The following MC1R variants were observed in gnomAD, a reference collection of about 807,000 sequenced individuals.
The protein encoded by MC1R is melanocortin 1 receptor.
For missense variants in MC1R, 542 were observed against 430.0 expected (o/e 1.26, Z -2.30); for synonymous variants, 263 against 203.8 (o/e 1.29, Z -2.47).
In MC1R at chr16:89,919,562, G is replaced by T; in HGVS notation, c.304G>T (p.Glu102Ter). The change falls in exon 1 of 1, where the codon GAG becomes TAG. Residue 102 changes from glutamate to a stop codon, truncating the protein, a stop_gained. Transcript: ENST00000555147. LOFTEE classifies it low-confidence loss of function (END_TRUNC). ...VLETAVILLLEAGALVARAAV... is the reference protein window; with the variant it reads ...VLETAVILLL Reference sequence around the variant, plus strand: ...GGAGACGGCCGTCATCCTCCTGCTGGAGGCCGGTGCACTGGTGGCCCGGGC... The same window carrying T: ...GGAGACGGCCGTCATCCTCCTGCTGTAGGCCGGTGCACTGGTGGCCCGGGC... 6.2e-7 allele frequency: 1 copy of T among 1,612,072 alleles called. No homozygotes were observed. The highest frequency in any genetic ancestry group is 8.5e-7 in the Non-Finnish European group (1 of 1,179,802).
At position 89,919,298 on chromosome 16, in the gene MC1R, C is replaced by A; in HGVS notation, c.40C>A (p.Leu14Ile). 1 of 1,606,646 alleles carries A rather than the reference C, an allele frequency of 6.2e-7. No individual in the cohort carries two copies. The highest frequency in any genetic ancestry group is 8.5e-7 in the Non-Finnish European group (1 of 1,176,890). The change falls in exon 1 of 1, where the codon CTC becomes ATC. Residue 14 changes from leucine (L) to isoleucine (I), a missense_variant. Leu to Ile is a conservative substitution (Grantham distance 5). Transcript: ENST00000555147. The stretch of plus-strand genomic sequence containing the variant: ...ATCCCAGAGAAGACTTCTGGGCTCC[C>A]TCAACTCCACCCCCACAGCCATCCC... ...QGSQRRLLGS[L>I]NSTPTAIPQL...
chr16:89,920,836 G>A lies in MC1R; in HGVS notation c.*624G>A, dbSNP rs1263719891. 1.7e-6 allele frequency: 1 copy of A among 602,178 alleles called. No individual in the cohort carries two copies. The highest frequency in any genetic ancestry group is 3.0e-6 in the Non-Finnish European group (1 of 330,984). 37.3% of individuals were successfully genotyped at this position (602,178 alleles called of 1,614,324 possible). A position where few individuals can be genotyped will look rare whatever the true frequency, so the allele number is the denominator to read the frequency against. ...GAGGGCCGGTTCTAAGGCTCAGACT[G>A]GGCACTGGGGCCTCAGCCTGCTTTC... On this transcript the variant is annotated 3_prime_UTR_variant, in exon 1 of 1. Coordinates refer to ENST00000555147, the MANE Select transcript of MC1R (RefSeq NM_002386.4).
rs1275258986 is a variant in MC1R at position 89,919,885 on chromosome 16, C to T, written c.627C>T (p.His209=). 3.1e-6 allele frequency: 5 copies of T among 1,606,668 alleles called. No homozygotes were observed. In the South Asian group the frequency reaches 4.4e-5, roughly 14 times the overall value. Reference sequence around the variant, plus strand: ...TGCTCATGGCCGTGCTGTACGTCCACATGCTGGCCCGGGCCTGCCAGCACG... The same window carrying T: ...TGCTCATGGCCGTGCTGTACGTCCATATGCTGGCCCGGGCCTGCCAGCACG... ...MLVLMAVLYV[H]MLARACQHAQ... is the part of the protein sequence containing the mutation. The change falls in exon 1 of 1, where the codon CAC becomes CAT. Residue 209 remains histidine (H), a synonymous_variant. Transcript: ENST00000555147.
Position 89,920,429 on chromosome 16 carries a change from G to C in MC1R, c.*217G>C, listed in dbSNP as rs1470553976. On this transcript the variant is annotated 3_prime_UTR_variant, in exon 1 of 1. Transcript: ENST00000555147. ...CAGGCAGGACTTCTCACCAGCAGTC[G>C]TGGGGAACGGAGGAGGACATGGGGA... 3 of 620,606 alleles carry C rather than the reference G, an allele frequency of 4.8e-6. No individual in the cohort carries two copies. Among genetic ancestry groups the C allele is most frequent in the Non-Finnish European group, 8.8e-6 (3 of 342,412 alleles). 38.4% of individuals were successfully genotyped at this position (620,606 alleles called of 1,614,324 possible). A position where few individuals can be genotyped will look rare whatever the true frequency, so the allele number is the denominator to read the frequency against.
chr16:89,919,700 T>C lies in MC1R; in HGVS notation c.442T>C (p.Tyr148His), dbSNP rs1313116839. The C allele has an allele frequency of 6.2e-7, 1 of 1,606,428 alleles. No individual in the cohort carries two copies. Among genetic ancestry groups the C allele is most frequent in the Non-Finnish European group, 8.5e-7 (1 of 1,179,744 alleles). The change falls in exon 1 of 1, where the codon TAC (tyrosine) becomes CAC (histidine). Residue 148 changes from tyrosine (Y) to histidine (H), a missense_variant. By Grantham distance (83) the Tyr-to-His change is moderately conservative (BLOSUM62 2). Transcript: ENST00000555147. ...CGTGGACCGCTACATCTCCATCTTC[T>C]ACGCACTGCGCTACCACAGCATCGT... ...IAVDRYISIF[Y>H]ALRYHSIVTL...
chr16:89,919,921 C>T lies in MC1R; in HGVS notation c.663C>T (p.Ile221=), dbSNP rs375672150. ...GGGCCTGCCAGCACGCCCAGGGCAT[C>T]GCCCGGCTCCACAAGAGGCAGCGCC... The part of the protein sequence containing the change: ...LARACQHAQG[I]ARLHKRQRPV... The change falls in exon 1 of 1, where the codon ATC becomes ATT. Residue 221 remains isoleucine, a synonymous_variant. Coordinates refer to ENST00000555147, the MANE Select transcript of MC1R (RefSeq NM_002386.4). 2.9e-5 allele frequency: 46 copies of T among 1,609,280 alleles called. No individual in the cohort carries two copies. The highest frequency in any genetic ancestry group is 1.2e-4 in the Admixed American group (7 of 59,972).
rs1363901916 is a variant in MC1R, at chr16:89,919,217, TGGA to T, written c.-39_-37del. The T allele has an allele frequency of 7.3e-7, 1 of 1,375,340 alleles. No individual in the cohort carries two copies. The allele number at this position is 1,375,340 out of a possible 1,614,324, so 85.2% of individuals were successfully genotyped here. A position where few individuals can be genotyped will look rare whatever the true frequency, so the allele number is the denominator to read the frequency against. ...CTGGAGGGGAAGAACTGTGGGGACC[TGGA>T]GGCCTCCAACGACTCCTTCCTGCTT... On this transcript the variant is annotated 5_prime_UTR_variant, in exon 1 of 1. Coordinates refer to ENST00000555147, the MANE Select transcript of MC1R (RefSeq NM_002386.4).
At position 89,920,480 on chromosome 16, in the gene MC1R, AC is replaced by A; in HGVS notation, c.*270del. On this transcript the variant is annotated 3_prime_UTR_variant, in exon 1 of 1. Transcript: ENST00000555147. ...GGTTGTGGGGCCTCAGGCTCCGGGCACCAGGGGCCAACCTCAGGCTCCTAAA... is the reference window on the plus strand; with the variant it reads ...GGTTGTGGGGCCTCAGGCTCCGGGCACAGGGGCCAACCTCAGGCTCCTAAA... 2 of 616,470 alleles carry A rather than the reference AC, an allele frequency of 3.2e-6. No homozygotes were observed. Among genetic ancestry groups the A allele is most frequent in the Non-Finnish European group, 5.9e-6 (2 of 338,926 alleles). 38.2% of individuals were successfully genotyped at this position (616,470 alleles called of 1,614,324 possible).
Position 89,920,785 on chromosome 16 carries a change from C to T in MC1R, c.*573C>T, listed in dbSNP as rs1487533439. On this transcript the variant is annotated 3_prime_UTR_variant, in exon 1 of 1. Transcript: ENST00000555147. ...AGGGACCAGGTTTGCAGGAGCCCCC[C>T]TAGTGGTATGGGGCTGAGCCCTCCT... 2 of 688,704 alleles carry T rather than the reference C, an allele frequency of 2.9e-6. No homozygotes were observed. Among genetic ancestry groups the T allele is most frequent in the South Asian group, 1.6e-5 (1 of 62,246 alleles). The allele number at this position is 688,704 out of a possible 1,614,324, so 42.7% of individuals were successfully genotyped here.
rs761973172 is a variant in MC1R at position 89,920,010 on chromosome 16, TC to T, written c.754del (p.Leu252SerfsTer62). The T allele has an allele frequency of 5.6e-6, 9 of 1,613,480 alleles. No homozygotes were observed. Among genetic ancestry groups the T allele is most frequent in the Middle Eastern group, 1.6e-4 (1 of 6,084 alleles). On this transcript the variant is annotated frameshift_variant, in exon 1 of 1. Coordinates refer to ENST00000555147, the MANE Select transcript of MC1R (RefSeq NM_002386.4). LOFTEE classifies it low-confidence loss of function (END_TRUNC). ...VTLTILLGIF[F>X]LCWGPFFLHL... ...CTCACCATCCTGCTGGGCATTTTCT[TC>T]CTCTGCTGGGGCCCCTTCTTCCTGC...
rs1215576125 is a variant in MC1R at position 89,920,185 on chromosome 16, C to G, written c.927C>G (p.Leu309=). Residue 309 remains leucine, a synonymous_variant, in exon 1 of 1, where the codon CTC becomes CTG. Coordinates refer to ENST00000555147, the MANE Select transcript of MC1R (RefSeq NM_002386.4). ...ACAGCCAGGAGCTCCGCAGGACGCT[C>G]AAGGAGGTGCTGACATGCTCCTGGT... The part of the protein sequence containing the change: ...AFHSQELRRT[L]KEVLTCSW The G allele has an allele frequency of 1.9e-6, 3 of 1,613,982 alleles. No individual in the cohort carries two copies. The highest frequency in any genetic ancestry group is 1.7e-6 in the Non-Finnish European group (2 of 1,179,850).
chr16:89,920,758 C>A lies in MC1R; in HGVS notation c.*546C>A. The A allele has an allele frequency of 1.4e-6, 1 of 709,870 alleles. No homozygotes were observed. 44.0% of individuals were successfully genotyped at this position (709,870 alleles called of 1,614,324 possible). ...AGGAGGTGAAATCCCTGCCTCAGGC[C>A]AAGGGACCAGGTTTGCAGGAGCCCC... is the stretch of plus-strand genomic sequence containing the variant. On this transcript the variant is annotated 3_prime_UTR_variant, in exon 1 of 1. Coordinates refer to ENST00000555147, the MANE Select transcript of MC1R (RefSeq NM_002386.4).
Position 89,919,279 on chromosome 16 carries a change from G to T in MC1R, c.21G>T (p.Gln7His), listed in dbSNP as rs2045688608. ...GGACTATGGCTGTGCAGGGATCCCA[G>T]AGAAGACTTCTGGGCTCCCTCAACT... is the stretch of plus-strand genomic sequence containing the variant. MAVQGSQRRLLGSLNST... is the reference protein window; with the variant it reads MAVQGSHRRLLGSLNST... Residue 7 changes from glutamine (Q) to histidine (H), a missense_variant, in exon 1 of 1, where the codon CAG becomes CAT. By Grantham distance (24) the Gln-to-His change is conservative. Coordinates refer to ENST00000555147, the MANE Select transcript of MC1R (RefSeq NM_002386.4). 1 of 1,589,860 alleles carries T rather than the reference G, an allele frequency of 6.3e-7. No individual in the cohort carries two copies. The highest frequency in any genetic ancestry group is 1.8e-5 in the Admixed American group (1 of 56,194).
chr16:89,919,930 C>T lies in MC1R; in HGVS notation c.672C>T (p.Leu224=), dbSNP rs762468628. The T allele has an allele frequency of 6.2e-7, 1 of 1,610,570 alleles. No homozygotes were observed. Among genetic ancestry groups the T allele is most frequent in the South Asian group, 1.1e-5 (1 of 91,080 alleles). Reference sequence around the variant, plus strand: ...AGCACGCCCAGGGCATCGCCCGGCTCCACAAGAGGCAGCGCCCGGTCCACC... The same window carrying T: ...AGCACGCCCAGGGCATCGCCCGGCTTCACAAGAGGCAGCGCCCGGTCCACC... ...ACQHAQGIAR[L]HKRQRPVHQG... is the part of the protein sequence containing the mutation. Residue 224 remains leucine, a synonymous_variant, in exon 1 of 1, where the codon CTC becomes CTT. Transcript: ENST00000555147.
chr16:89,919,332 G>A lies in MC1R; in HGVS notation c.74G>A (p.Gly25Glu), dbSNP rs540424761. 5.0e-6 allele frequency: 8 copies of A among 1,612,578 alleles called. No individual in the cohort carries two copies. Among genetic ancestry groups the A allele is most frequent in the African/African-American group, 2.7e-5 (2 of 75,038 alleles). The change falls in exon 1 of 1, where the codon GGG becomes GAG. Residue 25 changes from glycine to glutamate, a missense_variant. Coordinates refer to ENST00000555147, the MANE Select transcript of MC1R (RefSeq NM_002386.4). ...ACCCCCACAGCCATCCCCCAGCTGG[G>A]GCTGGCTGCCAACCAGACAGGAGCC... ...NSTPTAIPQL[G>E]LAANQTGARC... is the part of the protein sequence containing the mutation.
chr16:89,920,144 C>A lies in MC1R; in HGVS notation c.886C>A (p.Leu296Ile). 2 of 1,613,898 alleles carry A rather than the reference C, an allele frequency of 1.2e-6. No individual in the cohort carries two copies. The highest frequency in any genetic ancestry group is 1.1e-5 in the South Asian group (1 of 91,080). The change falls in exon 1 of 1, where the codon CTC (leucine) becomes ATC (isoleucine). Residue 296 changes from leucine to isoleucine, a missense_variant. By Grantham distance (5) the Leu-to-Ile change is conservative. Coordinates refer to ENST00000555147, the MANE Select transcript of MC1R (RefSeq NM_002386.4). ...CATCTGCAATGCCATCATCGACCCC[C>A]TCATCTACGCCTTCCACAGCCAGGA... ...LIICNAIIDPLIYAFHSQELR... is the reference protein window; with the variant it reads ...LIICNAIIDPIIYAFHSQELR...
chr16:89,919,395 T>C lies in MC1R; in HGVS notation c.137T>C (p.Leu46Pro). Residue 46 changes from leucine (L) to proline (P), a missense_variant, in exon 1 of 1, where the codon CTC (leucine) becomes CCC (proline). Leu to Pro is a moderately conservative substitution (Grantham distance 98). Transcript: ENST00000555147. ...GTGTCCATCTCTGACGGGCTCTTCC[T>C]CAGCCTGGGGCTGGTGAGCTTGGTG... ...LEVSISDGLF[L>P]SLGLVSLVEN... is the part of the protein sequence containing the mutation. The C allele has an allele frequency of 6.2e-7, 1 of 1,613,338 alleles. No homozygotes were observed. The highest frequency in any genetic ancestry group is 8.5e-7 in the Non-Finnish European group (1 of 1,179,858).
At position 89,919,903 on chromosome 16, in the gene MC1R, C is replaced by T. The variant is rs878854501; in HGVS notation, c.645C>T (p.Cys215=). 1 of 1,607,628 alleles carries T rather than the reference C, an allele frequency of 6.2e-7. No homozygotes were observed. Residue 215 remains cysteine (C), a synonymous_variant, in exon 1 of 1, where the codon TGC becomes TGT. Coordinates refer to ENST00000555147, the MANE Select transcript of MC1R (RefSeq NM_002386.4). Reference sequence around the variant, plus strand: ...ACGTCCACATGCTGGCCCGGGCCTGCCAGCACGCCCAGGGCATCGCCCGGC... The same window carrying T: ...ACGTCCACATGCTGGCCCGGGCCTGTCAGCACGCCCAGGGCATCGCCCGGC... ...VLYVHMLARA[C]QHAQGIARLH...
In MC1R at chr16:89,919,756, G is replaced by A. The variant is rs374959395; in HGVS notation, c.498G>A (p.Ala166=). ...VTLPRARRAV[A]AIWVASVVFS... The stretch of plus-strand genomic sequence containing the variant: ...TGCCGCGGGCGCGGCGAGCCGTTGC[G>A]GCCATCTGGGTGGCCAGTGTCGTCT... The change falls in exon 1 of 1, where the codon GCG becomes GCA. Residue 166 remains alanine, a synonymous_variant. Coordinates refer to ENST00000555147, the MANE Select transcript of MC1R (RefSeq NM_002386.4). 131 of 1,608,262 alleles carry A rather than the reference G, an allele frequency of 8.1e-5. No individual in the cohort carries two copies. The highest frequency in any genetic ancestry group is 1.1e-4 in the East Asian group (5 of 44,884).
Sources: allele counts gnomAD v4.1 joint callset, GRCh38; gene constraint gnomAD v4.1.1; transcripts MANE v1.5; gene names NCBI Gene and HGNC (gene_info 2026-07-23, HGNC 2026-07-21).